SERGEF: variants seen among roughly 807,000 people sequenced by gnomAD.
The protein encoded by SERGEF is secretion regulating guanine nucleotide exchange factor.
Under a neutral mutation model 50.0 loss-of-function variants are expected in SERGEF, and 51 were observed. The observed-to-expected ratio is 1.02, with a 90% CI of 0.81 to 1.29. The LOEUF (loss-of-function observed/expected upper bound fraction) is 1.29. SERGEF is among the 50% of genes most tolerant of loss of function. The probability of loss-of-function intolerance (pLI) is 0.00; values close to 1 mark genes in which losing one functional copy is unlikely to be tolerated. For synonymous variants in SERGEF, 205 were observed against 212.4 expected, an observed-to-expected ratio of 0.97 and a Z score of 0.30; for missense variants, 521 against 557.0, an observed-to-expected ratio of 0.94 and a Z score of 0.65.
At chr11:17,892,080 G>C (rs1851541484) in intron 9 of SERGEF, among the ~76,000 whole-genome samples, 1 of 152,206 alleles carries the variant, frequency 6.6e-6, no homozygotes, top group Non-Finnish European at 1.5e-5. Flanking sequence ...TACAGAGTTA[G>C]GAAAAATGTG....
intron 9 of SERGEF, among the ~76,000 whole-genome samples, chr11:17,879,868 AAAAT>A (rs1324831224): frequency 6.6e-6 from 1 of 152,232 alleles, no homozygotes; most frequent in Non-Finnish European, 1.5e-5. Flanking sequence ...TTAAAAAAAT[AAAAT>A]AAAAAACTAA....
At chr11:17,792,816 G>T (rs1362576725) in intron 10 of SERGEF, among the ~76,000 whole-genome samples, 1 of 152,172 alleles carries the variant, frequency 6.6e-6, no homozygotes, top group East Asian at 1.9e-4. Flanking sequence ...CCCAGGGCTT[G>T]TCAAGCTTAT....
chr11:18,008,147 G>T, intron 1 of SERGEF, 71 bp from the exon 2 acceptor site: 1 of 1,466,624 alleles, frequency 6.8e-7, no homozygotes, highest in Non-Finnish European at 9.4e-7. Flanking sequence ...ACCTGTCTCT[G>T]TCTCTCTCAC....
At chr11:17,877,353 C>G (rs1037040203) in intron 10 of SERGEF, among the ~76,000 whole-genome samples, 4 of 152,156 alleles carry the variant, frequency 2.6e-5, no homozygotes, top group Non-Finnish European at 4.4e-5. Context: ...TAGCGGAGGG[C>G]AATTACTTTA....
At chr11:17,922,560 T>C (rs12285352) in intron 9 of SERGEF, among the ~76,000 whole-genome samples, 2,760 of 152,318 alleles carry the variant, frequency 0.018, 100 homozygotes, top group African/African-American at 0.064. Flanking sequence ...GGCAGTTTCA[T>C]ACTGGTCAGT....
chr11:17,940,062 A>C (rs12277387), intron 9 of SERGEF, among the ~76,000 whole-genome samples: 78,211 of 152,076 alleles, frequency 0.51, 20,525 homozygotes, highest in Middle Eastern at 0.66. Flanking sequence ...GCAGTATACT[A>C]TCTAGCCTGG....
At chr11:18,012,797 CG>C in intron 1 of SERGEF, 153 bp downstream of exon 1, 1 of 1,488,972 alleles carries the variant, frequency 6.7e-7, no homozygotes, top group Non-Finnish European at 9.0e-7. Context: ...GCTCCTCCTC[CG>C]CTCCCCCTCC....
chr11:17,934,713 T>C (rs987067209), intron 9 of SERGEF, among the ~76,000 whole-genome samples: 1 of 152,234 alleles, frequency 6.6e-6, no homozygotes, highest in African/African-American at 2.4e-5. Context: ...CCAAGTGTAC[T>C]GACTAACCTC....
chr11:18,012,899 A>G (rs1237968615), intron 1 of SERGEF, 52 bp downstream of exon 1: 5 of 1,533,638 alleles, frequency 3.3e-6, no homozygotes, highest in African/African-American at 2.8e-5. Flanking sequence ...AGCAGCTCCC[A>G]CATCTCGGCG....
chr11:18,005,968 AC>A (rs1288862308), intron 3 of SERGEF, among the ~76,000 whole-genome samples: 1 of 152,156 alleles, frequency 6.6e-6, no homozygotes, highest in Non-Finnish European at 1.5e-5. Flanking sequence ...CTGGCCAGCT[AC>A]CCCAAGCACA....
At chr11:17,962,063 A>G (rs778511581) in intron 8 of SERGEF, among the ~76,000 whole-genome samples, 1 of 152,338 alleles carries the variant, frequency 6.6e-6, no homozygotes, top group South Asian at 2.1e-4. Flanking sequence ...CAAATAGTCG[A>G]ATCAAGATTT....
chr11:17,999,699 G>T, intron 5 of SERGEF: 1 of 370,950 alleles, frequency 2.7e-6, no homozygotes, highest in Non-Finnish European at 5.2e-6. Context: ...CCCACTCACA[G>T]TACAGGAGAC....
At chr11:17,942,330 T>C (rs1239647601) in intron 9 of SERGEF, among the ~76,000 whole-genome samples, 1 of 152,200 alleles carries the variant, frequency 6.6e-6, no homozygotes, top group Non-Finnish European at 1.5e-5. Context: ...CACGTTTTTG[T>C]TAAGTTTATA....
chr11:17,926,209 C>G (rs1852245509), intron 9 of SERGEF, among the ~76,000 whole-genome samples: 1 of 152,028 alleles, frequency 6.6e-6, no homozygotes, highest in South Asian at 2.1e-4. Context: ...TCACTTGCCT[C>G]CATCAGGAGA....
At chr11:17,885,641 T>A (rs979631512) in intron 9 of SERGEF, among the ~76,000 whole-genome samples, 1 of 151,946 alleles carries the variant, frequency 6.6e-6, no homozygotes, top group Admixed American at 6.5e-5. Flanking sequence ...ATCTGATTTT[T>A]TTTTTAATTA....
At chr11:17,927,684 C>T (rs1202536740) in intron 9 of SERGEF, among the ~76,000 whole-genome samples, 1 of 152,234 alleles carries the variant, frequency 6.6e-6, no homozygotes, top group Non-Finnish European at 1.5e-5. Flanking sequence ...TAGCAATTTC[C>T]TTGCTACTCA....
intron 9 of SERGEF, among the ~76,000 whole-genome samples, chr11:17,895,427 C>G (rs4757600): frequency 0.14 from 21,631 of 152,198 alleles, 1,989 homozygotes; most frequent in Middle Eastern, 0.27. Flanking sequence ...GCCTGACAGA[C>G]TCTCTTCCTA....
At chr11:17,972,446 A>G (rs1853267824) in intron 8 of SERGEF, among the ~76,000 whole-genome samples, 1 of 152,230 alleles carries the variant, frequency 6.6e-6, no homozygotes, top group African/African-American at 2.4e-5. Flanking sequence ...CTAAAAGGCC[A>G]CCAGCAAAAA....
intron 10 of SERGEF, among the ~76,000 whole-genome samples, chr11:17,836,882 T>A (rs1464796385): frequency 6.6e-6 from 1 of 152,140 alleles, no homozygotes; most frequent in Non-Finnish European, 1.5e-5. Flanking sequence ...AGTTTACCTC[T>A]CCAGAGACAA....
Sources: allele counts gnomAD v4.1 joint callset (sites outside exome capture counted in the v4.1 genomes callset), GRCh38; gene constraint gnomAD v4.1.1; transcripts MANE v1.5; gene names NCBI Gene and HGNC (gene_info 2026-07-23, HGNC 2026-07-21).